The following RPL30 variants were observed in gnomAD, a reference collection of about 807,000 sequenced individuals.
RPL30 encodes large ribosomal subunit protein eL30.
For missense variants in RPL30, 60 were observed against 138.0 expected, an observed-to-expected ratio of 0.43 and a Z score of 2.83; for synonymous variants, 40 against 50.4, an observed-to-expected ratio of 0.79 and a Z score of 0.87.
Position 98,042,784 on chromosome 8 carries a change from A to T in RPL30, c.168-9T>A, listed in dbSNP as rs368859188. The T allele has an allele frequency of 4.2e-5, 66 of 1,555,920 alleles. No individual in the cohort carries two copies. Among genetic ancestry groups the T allele is most frequent in the Non-Finnish European group, 5.6e-5 (65 of 1,156,840 alleles). On this transcript the variant is annotated splice_polypyrimidine_tract_variant and intron_variant, in intron 3 of 4. Transcript: ENST00000287038. ...ACTCTATTTCAGATTTCCTTTGGGA[A>T]CCAAAATGGGCAAATAAATAAATGC...
At chr8:98,042,818 G>A (rs1389651996) in intron 3 of RPL30, 43 bp from the exon 4 acceptor site, 1 of 1,513,312 alleles carries the variant, frequency 6.6e-7, no homozygotes, top group Admixed American at 2.4e-5. Context: ...GCGATACCAA[G>A]TGACTGACAG....
rs1814460674 is a variant in RPL30 at position 98,045,504 on chromosome 8, T to A, written c.-33+4A>T. On this transcript the variant is annotated splice_donor_region_variant and intron_variant, in intron 1 of 4. Coordinates refer to ENST00000287038, the MANE Select transcript of RPL30 (RefSeq NM_000989.4). ...TAAACCTCGGTCGGTAGGAGCCCAC[T>A]CACCAACAGCAGCCGCTAAGATGGC... 1 of 851,996 alleles carries A rather than the reference T, an allele frequency of 1.2e-6. No homozygotes were observed. Among genetic ancestry groups the A allele is most frequent in the African/African-American group, 1.7e-5 (1 of 59,244 alleles). 52.8% of individuals were successfully genotyped at this position (851,996 alleles called of 1,614,324 possible).
At chr8:98,043,753 A>G (rs1814425935) in intron 3 of RPL30, 1 of 152,056 alleles carries the variant, frequency 6.6e-6, no homozygotes, top group Admixed American at 6.6e-5. Flanking sequence ...AAGGAGTCCT[A>G]TACTATCTTG....
rs1814460205 is a variant in RPL30 at position 98,045,488 on chromosome 8, G to A, written c.-33+20C>T. 2.6e-6 allele frequency: 3 copies of A among 1,147,984 alleles called. No homozygotes were observed. Among genetic ancestry groups the A allele is most frequent in the Admixed American group, 1.9e-5 (1 of 53,132 alleles). 71.1% of individuals were successfully genotyped at this position (1,147,984 alleles called of 1,614,324 possible). A position where few individuals can be genotyped will look rare whatever the true frequency, so the allele number is the denominator to read the frequency against. Reference sequence around the variant, plus strand: ...AGCTCCCCGCGCTGCCTAAACCTCGGTCGGTAGGAGCCCACTCACCAACAG... The same window carrying A: ...AGCTCCCCGCGCTGCCTAAACCTCGATCGGTAGGAGCCCACTCACCAACAG... On this transcript the variant is annotated intron_variant, in intron 1 of 4. Transcript: ENST00000287038.
chr8:98,042,019 T>C (rs1814384618), intron 4 of RPL30, 169 bp from the exon 5 acceptor site: 3 of 720,074 alleles, frequency 4.2e-6, no homozygotes, highest in Non-Finnish European at 7.5e-6. Context: ...TTTCTTAAGG[T>C]TGACCAAAGA....
In RPL30 at chr8:98,045,513, GC is replaced by G; in HGVS notation, c.-39del. 1.3e-6 allele frequency: 1 copy of G among 764,396 alleles called. No homozygotes were observed. Among genetic ancestry groups the G allele is most frequent in the Non-Finnish European group, 2.2e-6 (1 of 452,724 alleles). The allele number at this position is 764,396 out of a possible 1,614,324, so 47.4% of individuals were successfully genotyped here. ...GTCGGTAGGAGCCCACTCACCAACA[GC>G]AGCCGCTAAGATGGCCGGGGAACGA... On this transcript the variant is annotated 5_prime_UTR_variant, in exon 1 of 5. Coordinates refer to ENST00000287038, the MANE Select transcript of RPL30 (RefSeq NM_000989.4).
intron 2 of RPL30, 95 bp downstream of exon 2, chr8:98,045,252 G>A (rs1490890114): frequency 2.5e-6 from 4 of 1,573,254 alleles, no homozygotes; most frequent in African/African-American, 2.7e-5. Context: ...AATGCCAGCA[G>A]GCATGCTGTC....
In RPL30 at chr8:98,042,083, T is replaced by C. The variant is rs763004921; in HGVS notation, c.299-233A>G. The C allele has an allele frequency of 1.6e-4, 112 of 680,076 alleles. No homozygotes were observed. In the African/African-American group the frequency reaches 1.7e-3, roughly 10 times the overall value. 42.1% of individuals were successfully genotyped at this position (680,076 alleles called of 1,614,324 possible). A position where few individuals can be genotyped will look rare whatever the true frequency, so the allele number is the denominator to read the frequency against. On this transcript the variant is annotated intron_variant, in intron 4 of 4. Transcript: ENST00000287038. ...CACATAAAATGATCATATAATAAAA[T>C]TGGTTTATCACCAGCATTTATAAAA...
At chr8:98,043,073 C>T (rs1285890601) in intron 3 of RPL30, 1 of 210,124 alleles carries the variant, frequency 4.8e-6, no homozygotes, top group East Asian at 1.2e-4. Context: ...CATTATCTAG[C>T]ATTAGTAAGG....
chr8:98,044,892 CG>C (rs1172580085), intron 3 of RPL30, 50 bp downstream of exon 3: 2 of 1,580,952 alleles, frequency 1.3e-6, no homozygotes, highest in Non-Finnish European at 1.7e-6. Flanking sequence ...CCTGTATATT[CG>C]TTCACGATGA....
At chr8:98,045,448 A>G in intron 1 of RPL30, 49 bp from the exon 2 acceptor site, 1 of 1,567,002 alleles carries the variant, frequency 6.4e-7, no homozygotes. Flanking sequence ...CGGAGTTACA[A>G]ATGGCAACCC....
chr8:98,042,530 T>A (rs1814395794), intron 4 of RPL30, 115 bp downstream of exon 4: 7 of 978,882 alleles, frequency 7.2e-6, no homozygotes, highest in Non-Finnish European at 1.1e-5. Flanking sequence ...CCTTGCTAGA[T>A]CCATATTCTA....
rs374951962 is a variant in RPL30, at chr8:98,041,861, A to T, written c.299-11T>A. ...TGATGTCAGAGTCACCTAAAAAATA[A>T]AAATAAAAAAACAGTAATTTTACAA... On this transcript the variant is annotated splice_polypyrimidine_tract_variant and intron_variant, in intron 4 of 4. Coordinates refer to ENST00000287038, the MANE Select transcript of RPL30 (RefSeq NM_000989.4). 8.5e-5 allele frequency: 134 copies of T among 1,572,326 alleles called. No homozygotes were observed. Among genetic ancestry groups the T allele is most frequent in the Middle Eastern group, 2.0e-4 (1 of 5,046 alleles).
At chr8:98,045,140 C>G in intron 2 of RPL30, 52 bp from the exon 3 acceptor site, 1 of 1,589,138 alleles carries the variant, frequency 6.3e-7, no homozygotes, top group Non-Finnish European at 8.6e-7. Context: ...GCAACCGCCT[C>G]AAAACCGGAC....
chr8:98,045,490 C>G lies in RPL30; in HGVS notation c.-33+18G>C. ...CTCCCCGCGCTGCCTAAACCTCGGTCGGTAGGAGCCCACTCACCAACAGCA... is the reference window on the plus strand; with the variant it reads ...CTCCCCGCGCTGCCTAAACCTCGGTGGGTAGGAGCCCACTCACCAACAGCA... On this transcript the variant is annotated intron_variant, in intron 1 of 4. Transcript: ENST00000287038. 9.2e-7 allele frequency: 1 copy of G among 1,091,346 alleles called. No individual in the cohort carries two copies. The allele number at this position is 1,091,346 out of a possible 1,614,324, so 67.6% of individuals were successfully genotyped here.
intron 4 of RPL30, 86 bp from the exon 5 acceptor site, chr8:98,041,936 C>A: frequency 1.0e-6 from 1 of 988,384 alleles, no homozygotes. Context: ...TTTGGTTATC[C>A]CTTCTGTAGA....
intron 3 of RPL30, 22 bp from the exon 4 acceptor site, chr8:98,042,797 A>G (rs780258723): frequency 2.6e-6 from 4 of 1,549,096 alleles, no homozygotes; most frequent in Non-Finnish European, 3.5e-6. Flanking sequence ...AAAATGGGCA[A>G]ATAAATAAAT....
chr8:98,045,385 G>C lies in RPL30; in HGVS notation c.-18C>G. ...GCCACCATCTTCCTGCCTTAGGAGC[G>C]GGACGGCCCCCAACCTAGAAGAGAC... is the stretch of plus-strand genomic sequence containing the variant. On this transcript the variant is annotated 5_prime_UTR_variant, in exon 2 of 5. Transcript: ENST00000287038. 1 of 1,614,130 alleles carries C rather than the reference G, an allele frequency of 6.2e-7. No individual in the cohort carries two copies. Among genetic ancestry groups the C allele is most frequent in the South Asian group, 1.1e-5 (1 of 91,082 alleles).
Position 98,044,953 on chromosome 8 carries a change from G to A in RPL30, c.157C>T (p.Pro53Ser). 6.2e-7 allele frequency: 1 copy of A among 1,613,350 alleles called. No homozygotes were observed. Residue 53 changes from proline (P) to serine (S), a missense_variant, in exon 3 of 5, where the codon CCA becomes TCA. Pro to Ser is a moderately conservative substitution (Grantham distance 74). Transcript: ENST00000287038. ...AKLVILANNC[P>S]ALRKSEIEYY... ...AGTCTCTTCGATTACCTCAAAGCTGGGCAGTTGTTAGCGAGAATGACCAAT... is the reference window on the plus strand; with the variant it reads ...AGTCTCTTCGATTACCTCAAAGCTGAGCAGTTGTTAGCGAGAATGACCAAT...
Sources: allele counts gnomAD v4.1 joint callset, GRCh38; gene constraint gnomAD v4.1.1; transcripts MANE v1.5; gene names NCBI Gene and HGNC (gene_info 2026-07-23, HGNC 2026-07-21).